FAM169A: variants seen among roughly 807,000 people sequenced by gnomAD.
FAM169A encodes family with sequence similarity 169 member A.
In FAM169A, 24 loss-of-function variants were observed where a neutral mutation model predicts 75.7. The observed-to-expected ratio is 0.32, with a 90% CI of 0.23 to 0.45. FAM169A has a LOEUF of 0.45. Ranked by LOEUF, FAM169A falls within the 20% of genes least tolerant of loss-of-function variation. The probability of loss-of-function intolerance (pLI) is 1.00; values close to 1 mark genes in which losing one functional copy is unlikely to be tolerated. For synonymous variants in FAM169A, 271 were observed against 271.0 expected (o/e 1.00, Z 0.00); for missense variants, 673 against 784.0 (o/e 0.86, Z 1.69).
At chr5:74,820,114 C>A (rs1747701438) in intron 5 of FAM169A, among the ~76,000 whole-genome samples, 1 of 151,322 alleles carries the variant, frequency 6.6e-6, no homozygotes, top group African/African-American at 2.4e-5. Context: ...CATGCCTCAG[C>A]CTCCCTAGTA....
At chr5:74,818,801 C>CTATATATATATATA (rs59106706) in intron 5 of FAM169A, among the ~76,000 whole-genome samples, 2 of 123,114 alleles carry the variant, frequency 1.6e-5, no homozygotes, top group African/African-American at 3.5e-5. Context: ...CTCTCTCTCT[C>CTATATATATATATA]TCTATATATA....
At chr5:74,798,228 T>C (rs141599703) in intron 10 of FAM169A, among the ~76,000 whole-genome samples, 50 of 152,370 alleles carry the variant, frequency 3.3e-4, no homozygotes, top group African/African-American at 1.1e-3. Context: ...TATCTCTCTT[T>C]ACCCCTAGGC....
intron 5 of FAM169A, among the ~76,000 whole-genome samples, chr5:74,834,115 C>A (rs972616954): frequency 2.0e-5 from 3 of 152,068 alleles, no homozygotes; most frequent in Non-Finnish European, 1.5e-5. Flanking sequence ...TCAAAGTAAA[C>A]AACAACTTTT....
intron 6 of FAM169A, among the ~76,000 whole-genome samples, chr5:74,807,565 T>C (rs561059737): frequency 1.3e-5 from 2 of 152,328 alleles, no homozygotes; most frequent in South Asian, 4.1e-4. Context: ...CAAGGGCCAT[T>C]TGTACATATG....
intron 5 of FAM169A, among the ~76,000 whole-genome samples, chr5:74,831,157 C>T (rs11741789): frequency 0.27 from 40,662 of 151,964 alleles, 6,201 homozygotes; most frequent in African/African-American, 0.42. Context: ...GAAGTCTCAA[C>T]GATCATCTGT....
intron 1 of FAM169A, among the ~76,000 whole-genome samples, chr5:74,853,332 T>C (rs1285606121): frequency 6.6e-6 from 1 of 152,188 alleles, no homozygotes; most frequent in Non-Finnish European, 1.5e-5. Flanking sequence ...CCTCGCATTG[T>C]GTTGAAACAC....
intron 5 of FAM169A, 58 bp downstream of exon 5, chr5:74,834,368 A>G: frequency 2.0e-6 from 2 of 1,011,204 alleles, no homozygotes; most frequent in Non-Finnish European, 2.7e-6. Context: ...ATACAGTTGG[A>G]GGGGTCTAAA....
intron 4 of FAM169A, among the ~76,000 whole-genome samples, chr5:74,836,355 C>T (rs1384580789): frequency 2.6e-5 from 4 of 152,110 alleles, no homozygotes; most frequent in Admixed American, 6.6e-5. Context: ...CACAGATTAG[C>T]TCCTCCATTC....
At chr5:74,831,322 G>C (rs934555477) in intron 5 of FAM169A, among the ~76,000 whole-genome samples, 1 of 152,152 alleles carries the variant, frequency 6.6e-6, no homozygotes, top group Admixed American at 6.5e-5. Flanking sequence ...GAGTTGTACA[G>C]TAGACTAAAT....
chr5:74,857,160 G>A (rs1004613119), intron 1 of FAM169A, among the ~76,000 whole-genome samples: 27 of 150,126 alleles, frequency 1.8e-4, no homozygotes, highest in African/African-American at 2.9e-4. Context: ...TGCCTCCAAC[G>A]GAGAAGGCCA....
intron 1 of FAM169A, among the ~76,000 whole-genome samples, chr5:74,845,382 G>T (rs1205433250): frequency 2.0e-5 from 3 of 152,058 alleles, no homozygotes; most frequent in Non-Finnish European, 1.5e-5. Flanking sequence ...GCCGGGCGTG[G>T]TAGTGCGTGT....
At chr5:74,863,876 GA>G (rs1040335406) in intron 1 of FAM169A, among the ~76,000 whole-genome samples, 25 of 147,522 alleles carry the variant, frequency 1.7e-4, no homozygotes, top group African/African-American at 3.2e-4. Flanking sequence ...TTATTTGCTA[GA>G]AAAAAAAAAA....
At chr5:74,800,016 A>C in intron 10 of FAM169A, 1 of 778,326 alleles carries the variant, frequency 1.3e-6, no homozygotes, top group South Asian at 1.4e-5. Flanking sequence ...AGATTGTCGC[A>C]AATATTGCAC....
chr5:74,810,974 A>ATT lies in FAM169A; in HGVS notation c.670+2864_670+2865dup, dbSNP rs764689046. Among the ~76,000 whole-genome samples, 197 of 99,826 alleles carry ATT rather than the reference A, an allele frequency of 2.0e-3. 1 individual carries two copies. Among genetic ancestry groups the ATT allele is most frequent in the Middle Eastern group, 6.0e-3 (1 of 166 alleles). The allele number at this position is 99,826 out of a possible 152,430, so 65.5% of individuals were successfully genotyped here. Reference sequence around the variant, plus strand: ...TACAGGCGCACACCACTAGGCCTGGATTTTTTTTTTTTTTTTTTTTTTCCT... The same window carrying ATT: ...TACAGGCGCACACCACTAGGCCTGGATTTTTTTTTTTTTTTTTTTTTTTTCCT... On this transcript the variant is annotated intron_variant, in intron 6 of 12. Transcript: ENST00000687041.
chr5:74,865,431 A>T (rs1427613634), intron 1 of FAM169A: 4 of 152,206 alleles, frequency 2.6e-5, no homozygotes, highest in Non-Finnish European at 5.9e-5. Flanking sequence ...GCCGCTTCCC[A>T]GACGCTGAAA....
At chr5:74,849,456 C>T (rs947905995) in intron 1 of FAM169A, among the ~76,000 whole-genome samples, 2 of 151,766 alleles carry the variant, frequency 1.3e-5, no homozygotes, top group African/African-American at 2.4e-5. Flanking sequence ...GAGAGGCAGA[C>T]CCAAAAAGAA....
intron 4 of FAM169A, among the ~76,000 whole-genome samples, chr5:74,836,315 T>A (rs912809652): frequency 6.7e-6 from 1 of 148,738 alleles, no homozygotes; most frequent in Non-Finnish European, 1.5e-5. Context: ...TTATGTTAGA[T>A]CTTTCTCTTT....
At chr5:74,801,748 TAAC>T (rs927259292) in intron 8 of FAM169A, 119 bp from the exon 9 acceptor site, 9 of 725,294 alleles carry the variant, frequency 1.2e-5, no homozygotes, top group East Asian at 2.5e-5. Flanking sequence ...CACTTTTTGT[TAAC>T]AACATTTACT....
chr5:74,788,244 C>T (rs1192867546), intron 11 of FAM169A, among the ~76,000 whole-genome samples: 2 of 152,114 alleles, frequency 1.3e-5, no homozygotes, highest in Non-Finnish European at 2.9e-5. Flanking sequence ...TCCAGTGGGT[C>T]CCCGGACTCA....
Sources: allele counts gnomAD v4.1 joint callset (sites outside exome capture counted in the v4.1 genomes callset), GRCh38; gene constraint gnomAD v4.1.1; transcripts MANE v1.5; gene names NCBI Gene and HGNC (gene_info 2026-07-23, HGNC 2026-07-21).